Variants in NEXN observed in about 807,000 individuals in gnomAD.
NEXN encodes the protein nexilin F-actin binding protein, also known as nexilin.
NEXN carries 65 observed loss-of-function variants against 92.6 expected under a neutral mutation model. That is an observed-to-expected ratio of 0.70 (90% CI 0.57 to 0.86). The LOEUF (loss-of-function observed/expected upper bound fraction) is 0.86. Ranked by LOEUF, NEXN falls within the 40% of genes least tolerant of loss-of-function variation. The pLI is 0.00. For synonymous variants in NEXN, 254 were observed against 242.5 expected, an observed-to-expected ratio of 1.05 and a Z score of -0.44; for missense variants, 778 against 771.1, an observed-to-expected ratio of 1.01 and a Z score of -0.11.
At chr1:77,931,231 CAAAAAAAAAAAAAAAAAAA>C (rs367898061) in intron 9 of NEXN, among the ~76,000 whole-genome samples, 74,921 of 122,512 alleles carry the variant, frequency 0.61, 21,821 homozygotes, top group East Asian at 0.81. Context: ...ACTAAAAATA[CAAAAAAAAAAAAAAAAAAA>C]AAAAAAAAAA....
Position 77,936,001 on chromosome 1 carries a change from T to C in NEXN, c.1430T>C (p.Ile477Thr), listed in dbSNP as rs727504658. The C allele has an allele frequency of 1.8e-5, 29 of 1,613,724 alleles. No homozygotes were observed. The highest frequency in any genetic ancestry group is 4.4e-5 in the South Asian group (4 of 90,956). Residue 477 changes from isoleucine to threonine, a missense_variant, in exon 11 of 13, where the codon ATT becomes ACT. By Grantham distance (89) the Ile-to-Thr change is moderately conservative. Transcript: ENST00000334785. Reference sequence around the variant, plus strand: ...GAAGAGCGAGCAAGAAGGAGAGCAATTGACCTTGAAATTAAAGAGCGAGAA... The same window carrying C: ...GAAGAGCGAGCAAGAAGGAGAGCAACTGACCTTGAAATTAAAGAGCGAGAA... The part of the protein sequence containing the change: ...IEEERARRRA[I>T]DLEIKEREAE...
Position 77,917,724 on chromosome 1 carries a change from TAGAG to T in NEXN, c.194_197del (p.Arg65AsnfsTer25). The T allele has an allele frequency of 6.2e-7, 1 of 1,610,326 alleles. No homozygotes were observed. Among genetic ancestry groups the T allele is most frequent in the African/African-American group, 1.3e-5 (1 of 74,888 alleles). ...AACAAAGAAGAAAAGAACAATATAT[TAGAG>T]AGAGAGAATGGAACAGGAGAAAGCA... On this transcript the variant is annotated frameshift_variant, in exon 3 of 13. Coordinates refer to ENST00000334785, the MANE Select transcript of NEXN (RefSeq NM_144573.4). LOFTEE classifies it high-confidence loss of function.
At chr1:77,924,498 G>A (rs1316133975) in intron 5 of NEXN, among the ~76,000 whole-genome samples, 1 of 152,120 alleles carries the variant, frequency 6.6e-6, no homozygotes, top group Non-Finnish European at 1.5e-5. Flanking sequence ...CTTTGATGGG[G>A]CAGTGACAAA....
intron 1 of NEXN, among the ~76,000 whole-genome samples, chr1:77,902,050 G>A (rs567108338): frequency 5.7e-4 from 86 of 151,916 alleles, no homozygotes; most frequent in African/African-American, 1.9e-3. Flanking sequence ...TATCCTATTC[G>A]TTATTATTTA....
chr1:77,892,745 A>T (rs1046944353), intron 1 of NEXN, among the ~76,000 whole-genome samples: 4 of 152,232 alleles, frequency 2.6e-5, no homozygotes, highest in African/African-American at 9.6e-5. Flanking sequence ...AGTGTCGATT[A>T]GAGCTGGAAG....
intron 11 of NEXN, among the ~76,000 whole-genome samples, chr1:77,938,206 A>G (rs1374132572): frequency 6.6e-6 from 1 of 152,244 alleles, no homozygotes; most frequent in Non-Finnish European, 1.5e-5. Flanking sequence ...ATACAAGCCT[A>G]AGGCCTGGGT....
Position 77,891,747 on chromosome 1 carries a change from TAAAA to T in NEXN, c.-53+3008_-53+3011del, listed in dbSNP as rs373772489. ...CTGATTACCAAGTGTGGAAAAAAAG[TAAAA>T]AAAAAAAAAAAAAAAAAAATCAAAA... is the stretch of plus-strand genomic sequence containing the variant. On this transcript the variant is annotated intron_variant, in intron 1 of 12. Transcript: ENST00000334785. Among the ~76,000 whole-genome samples, 652 of 129,010 alleles carry T rather than the reference TAAAA, an allele frequency of 5.1e-3. 5 individuals are homozygous for T. The highest frequency in any genetic ancestry group is 6.0e-3 in the Non-Finnish European group (374 of 62,454). The allele number at this position is 129,010 out of a possible 152,430, so 84.6% of individuals were successfully genotyped here. A position where few individuals can be genotyped will look rare whatever the true frequency, so the allele number is the denominator to read the frequency against.
Position 77,909,914 on chromosome 1 carries a change from C to T in NEXN, c.-52-6141C>T, listed in dbSNP as rs569500305. 2.6e-4 allele frequency among the ~76,000 whole-genome samples: 40 copies of T among 152,258 alleles called. 1 individual carries two copies. The South Asian group carries it at 3.9e-3, about 15-fold the overall frequency. On this transcript the variant is annotated intron_variant, in intron 1 of 12. Transcript: ENST00000334785. Reference sequence around the variant, plus strand: ...TCACAAGAAAAGATAACTTACACAACCAATAATTTATCATAAATACAGATA... The same window carrying T: ...TCACAAGAAAAGATAACTTACACAATCAATAATTTATCATAAATACAGATA...
At chr1:77,935,625 G>A (rs1190762414) in intron 10 of NEXN, among the ~76,000 whole-genome samples, 198 bp from the exon 11 acceptor site, 1 of 152,062 alleles carries the variant, frequency 6.6e-6, no homozygotes, top group African/African-American at 2.4e-5. Context: ...CTTTTGGATG[G>A]TTTCTTGTAC....
At chr1:77,896,701 G>A (rs528509381) in intron 1 of NEXN, among the ~76,000 whole-genome samples, 59 of 151,966 alleles carry the variant, frequency 3.9e-4, no homozygotes, top group Non-Finnish European at 7.5e-4. Flanking sequence ...AGAGGTTGCA[G>A]TGAGCTGAGA....
chr1:77,943,701 C>T lies in NEXN; in HGVS notation c.*872C>T, dbSNP rs1476627468. The T allele has an allele frequency of 3.9e-5, 6 of 151,990 alleles. No homozygotes were observed. The highest frequency in any genetic ancestry group is 3.4e-3 in the Middle Eastern group (1 of 292). The allele number at this position is 151,990 out of a possible 1,614,324, so 9.4% of individuals were successfully genotyped here. ...CAAGAGAAAACACTTTCAACATAGT[C>T]GAAGGCTTCAAGATCTAAGTGTATC... On this transcript the variant is annotated 3_prime_UTR_variant, in exon 13 of 13. Coordinates refer to ENST00000334785, the MANE Select transcript of NEXN (RefSeq NM_144573.4).
At chr1:77,922,058 A>T (rs888445544) in intron 5 of NEXN, among the ~76,000 whole-genome samples, 1 of 151,292 alleles carries the variant, frequency 6.6e-6, no homozygotes, top group East Asian at 2.0e-4. Context: ...ATGAACCACC[A>T]TGTCCAGCCT....
intron 1 of NEXN, 93 bp downstream of exon 1, chr1:77,888,852 A>C (rs1041241252): frequency 2.0e-5 from 3 of 153,356 alleles, no homozygotes; most frequent in Non-Finnish European, 2.9e-5. Context: ...GCGGCTGCAG[A>C]GAGGCGCTCG....
At chr1:77,918,344 G>A in intron 5 of NEXN, 71 bp downstream of exon 5, 1 of 1,467,162 alleles carries the variant, frequency 6.8e-7, no homozygotes, top group Non-Finnish European at 9.5e-7. Context: ...TCAGTATGTT[G>A]CCTAATTAAA....
intron 1 of NEXN, among the ~76,000 whole-genome samples, chr1:77,890,449 A>G (rs543278136): frequency 6.6e-6 from 1 of 152,300 alleles, no homozygotes; most frequent in East Asian, 1.9e-4. Flanking sequence ...AATTTGTGCT[A>G]TTTTTGAAAA....
intron 9 of NEXN, among the ~76,000 whole-genome samples, chr1:77,930,556 T>C (rs1650206143): frequency 6.6e-6 from 1 of 152,244 alleles, no homozygotes; most frequent in African/African-American, 2.4e-5. Context: ...TTTCCCCACT[T>C]TTCTTAAGCA....
chr1:77,925,284 A>C (rs1461997895), intron 6 of NEXN, 55 bp downstream of exon 6: 3 of 1,229,574 alleles, frequency 2.4e-6, no homozygotes, highest in South Asian at 1.3e-5. Context: ...TGATTCACAA[A>C]TTATCTTTTA....
rs540870664 is a variant in NEXN at position 77,942,524 on chromosome 1, G to A, written c.1723G>A (p.Glu575Lys). 1 of 1,613,896 alleles carries A rather than the reference G, an allele frequency of 6.2e-7. No individual in the cohort carries two copies. Among genetic ancestry groups the A allele is most frequent in the Non-Finnish European group, 8.5e-7 (1 of 1,179,844 alleles). ...IMNGSTAEDE[E>K]QTRSGAPWFK... ...GAATGGCTCCACTGCTGAAGATGAA[G>A]AGCAAACCAGATCAGGAGCTCCATG... Residue 575 changes from glutamate (E) to lysine (K), a missense_variant, in exon 13 of 13, where the codon GAG becomes AAG. Transcript: ENST00000334785.
chr1:77,890,565 C>T (rs1647082790), intron 1 of NEXN, among the ~76,000 whole-genome samples: 2 of 152,016 alleles, frequency 1.3e-5, no homozygotes, highest in African/African-American at 4.8e-5. Context: ...CAGTCTTTTT[C>T]CCCTGAAATT....
Sources: allele counts gnomAD v4.1 joint callset (sites outside exome capture counted in the v4.1 genomes callset), GRCh38; gene constraint gnomAD v4.1.1; transcripts MANE v1.5; gene names NCBI Gene and HGNC (gene_info 2026-07-23, HGNC 2026-07-21).